The following ROR2 variants were observed in gnomAD, a reference collection of about 807,000 sequenced individuals.
ROR2 encodes tyrosine-protein kinase transmembrane receptor ROR2.
ROR2 carries 33 observed loss-of-function variants against 74.9 expected under a neutral mutation model. That is an observed-to-expected ratio of 0.44 (90% CI 0.33 to 0.59). The LOEUF is 0.59. Ranked by LOEUF, ROR2 falls within the 20% of genes least tolerant of loss-of-function variation. ROR2 has a pLI of 0.02. For synonymous variants in ROR2, 586 were observed against 558.7 expected (o/e 1.05, Z -0.69); for missense variants, 1,216 against 1,313.8 (o/e 0.93, Z 1.15).
intron 1 of ROR2, among the ~76,000 whole-genome samples, chr9:91,853,515 C>A (rs1829179745): frequency 6.6e-6 from 1 of 152,028 alleles, no homozygotes; most frequent in Non-Finnish European, 1.5e-5. Flanking sequence ...GCCTCCAGCC[C>A]TCCACTACAC....
At chr9:91,941,595 C>T (rs1371811262) in intron 1 of ROR2, among the ~76,000 whole-genome samples, 2 of 152,230 alleles carry the variant, frequency 1.3e-5, no homozygotes, top group African/African-American at 2.4e-5. Flanking sequence ...CTTCCAATTT[C>T]CTCAGTGGTT....
At chr9:91,849,137 A>G (rs1002667721) in intron 1 of ROR2, among the ~76,000 whole-genome samples, 1 of 151,976 alleles carries the variant, frequency 6.6e-6, no homozygotes, top group African/African-American at 2.4e-5. Flanking sequence ...ACCTTGGCCA[A>G]CCTTACCATG....
At chr9:91,924,521 C>T (rs1279426480) in intron 1 of ROR2, among the ~76,000 whole-genome samples, 1 of 152,350 alleles carries the variant, frequency 6.6e-6, no homozygotes. Flanking sequence ...AGGCCGGGCA[C>T]GATGGCTTAC....
intron 1 of ROR2, among the ~76,000 whole-genome samples, chr9:91,798,591 T>C: frequency 7.5e-6 from 1 of 133,434 alleles, no homozygotes; most frequent in African/African-American, 3.1e-5. Flanking sequence ...TGAGTGGAGC[T>C]GACACCCTGG....
At chr9:91,775,628 C>G (rs1006838312) in intron 2 of ROR2, 113 bp downstream of exon 2, 2 of 930,574 alleles carry the variant, frequency 2.1e-6, no homozygotes, top group Admixed American at 3.7e-5. Context: ...CACCAGGGGG[C>G]ACCAAGGGGC....
At chr9:91,851,973 TA>T (rs61049113) in intron 1 of ROR2, among the ~76,000 whole-genome samples, 713 of 138,792 alleles carry the variant, frequency 5.1e-3, no homozygotes, top group South Asian at 6.4e-3. Context: ...AAGACTCTGT[TA>T]AAAAAAAAAA....
At chr9:91,729,139 A>G (rs569956131) in intron 7 of ROR2, among the ~76,000 whole-genome samples, 1 of 151,870 alleles carries the variant, frequency 6.6e-6, no homozygotes, top group South Asian at 2.1e-4. Context: ...AGGTCTGGGG[A>G]AATCACTGCT....
chr9:91,743,707 G>T (rs1295033959), intron 4 of ROR2, among the ~76,000 whole-genome samples: 1 of 152,158 alleles, frequency 6.6e-6, no homozygotes, highest in Non-Finnish European at 1.5e-5. Context: ...TTAGCAAACT[G>T]AATCCAGCAA....
At chr9:91,887,322 T>C (rs1830310645) in intron 1 of ROR2, 2 of 152,244 alleles carry the variant, frequency 1.3e-5, no homozygotes, top group Non-Finnish European at 2.9e-5. Context: ...CCCCCTCCAA[T>C]GGCACCCACA....
intron 1 of ROR2, among the ~76,000 whole-genome samples, chr9:91,875,072 G>A (rs1829919188): frequency 6.6e-6 from 1 of 152,176 alleles, no homozygotes; most frequent in Admixed American, 6.5e-5. Flanking sequence ...TAACATATGG[G>A]TGGATCATTT....
At chr9:91,823,852 C>T (rs1013334337) in intron 1 of ROR2, among the ~76,000 whole-genome samples, 4 of 152,230 alleles carry the variant, frequency 2.6e-5, no homozygotes, top group Admixed American at 6.5e-5. Flanking sequence ...CCCCAGAGCT[C>T]CAAATGCCCA....
chr9:91,806,651 A>G lies in ROR2; in HGVS notation c.98-30833T>C, dbSNP rs575883543. ...GTCGCCCAGGCTGGAGTGCAGTGGC[A>G]CGATCTCAGCTTACTACAAGCTCTG... On this transcript the variant is annotated intron_variant, in intron 1 of 8. Coordinates refer to ENST00000375708, the MANE Select transcript of ROR2 (RefSeq NM_004560.4). Among the ~76,000 whole-genome samples the G allele has an allele frequency of 1.8e-3, 281 of 152,260 alleles. 3 individuals are homozygous for G. The highest frequency in any genetic ancestry group is 6.2e-3 in the African/African-American group (259 of 41,544).
intron 4 of ROR2, among the ~76,000 whole-genome samples, chr9:91,745,326 T>C (rs1309070597): frequency 2.6e-5 from 4 of 151,964 alleles, no homozygotes; most frequent in Admixed American, 2.6e-4. Flanking sequence ...GGTTTCTCCA[T>C]GTTGGTCAGG....
At chr9:91,869,787 T>A (rs1829743084) in intron 1 of ROR2, among the ~76,000 whole-genome samples, 1 of 152,142 alleles carries the variant, frequency 6.6e-6, no homozygotes, top group Admixed American at 6.5e-5. Context: ...GAACTACATA[T>A]CACAAAAATC....
intron 2 of ROR2, among the ~76,000 whole-genome samples, chr9:91,767,655 G>T (rs1826101480): frequency 6.6e-6 from 1 of 152,238 alleles, no homozygotes; most frequent in South Asian, 2.1e-4. Flanking sequence ...TCCGTTGCGG[G>T]TGTGGAACAG....
At chr9:91,808,957 C>A (rs1374392470) in intron 1 of ROR2, among the ~76,000 whole-genome samples, 1 of 151,340 alleles carries the variant, frequency 6.6e-6, no homozygotes, top group Non-Finnish European at 1.5e-5. Flanking sequence ...GAGCTGAGAT[C>A]GCGCCACTGC....
chr9:91,848,396 G>A (rs1012556340), intron 1 of ROR2, among the ~76,000 whole-genome samples: 6 of 152,184 alleles, frequency 3.9e-5, no homozygotes, highest in South Asian at 2.1e-4. Flanking sequence ...GATGATGGAC[G>A]TAGATATATG....
At chr9:91,935,560 G>A (rs1831661478) in intron 1 of ROR2, among the ~76,000 whole-genome samples, 1 of 152,236 alleles carries the variant, frequency 6.6e-6, no homozygotes, top group African/African-American at 2.4e-5. Flanking sequence ...CAGCCGCCAT[G>A]AGGATGTTTG....
intron 1 of ROR2, among the ~76,000 whole-genome samples, chr9:91,801,875 C>T (rs531440511): frequency 5.3e-5 from 8 of 152,174 alleles, no homozygotes; most frequent in Non-Finnish European, 1.2e-4. Context: ...CTTGGCAAGG[C>T]AGGGTAAAGG....
Sources: allele counts gnomAD v4.1 joint callset (sites outside exome capture counted in the v4.1 genomes callset), GRCh38; gene constraint gnomAD v4.1.1; transcripts MANE v1.5; gene names NCBI Gene and HGNC (gene_info 2026-07-23, HGNC 2026-07-21).